ITGB8: variants seen among roughly 807,000 people sequenced by gnomAD.
The protein encoded by ITGB8 is integrin beta-8.
A neutral mutation model predicts 89.5 loss-of-function variants in ITGB8; 30 were observed. The ratio of observed to expected loss-of-function variants is 0.34; its 90% CI spans 0.25 to 0.45. The LOEUF (loss-of-function observed/expected upper bound fraction) is 0.45, where lower values mean the gene tolerates loss of function less well. ITGB8 is among the 20% of genes least tolerant of loss of function. ITGB8 has a pLI of 1.00. For missense variants in ITGB8, 836 were observed against 933.3 expected (o/e 0.90, Z 1.36); for synonymous variants, 335 against 320.4 (o/e 1.05, Z -0.49).
intron 1 of ITGB8, among the ~76,000 whole-genome samples, chr7:20,345,220 T>C (rs575882944): frequency 6.6e-6 from 1 of 152,324 alleles, no homozygotes; most frequent in Admixed American, 6.5e-5. Context: ...GATATTGACA[T>C]TGTAATCCAA....
intron 2 of ITGB8, 72 bp from the exon 3 acceptor site, chr7:20,366,940 T>C: frequency 9.9e-7 from 1 of 1,006,590 alleles, no homozygotes; most frequent in Non-Finnish European, 1.5e-6. Flanking sequence ...AATGCAATAT[T>C]TGCTATGTCA....
At chr7:20,352,655 C>G (rs887147355) in intron 1 of ITGB8, 7 of 152,300 alleles carry the variant, frequency 4.6e-5, no homozygotes, top group African/African-American at 1.7e-4. Flanking sequence ...GAGAGTGTAT[C>G]TTTAACTCAT....
At chr7:20,399,789 G>C (rs1041824521) in intron 9 of ITGB8, among the ~76,000 whole-genome samples, 21 of 152,218 alleles carry the variant, frequency 1.4e-4, no homozygotes, top group African/African-American at 5.1e-4. Context: ...TGGACTAGTA[G>C]ATTTCCAACC....
chr7:20,405,116 T>C (rs1787480840), intron 11 of ITGB8, among the ~76,000 whole-genome samples: 2 of 152,094 alleles, frequency 1.3e-5, no homozygotes. Context: ...GCTTACTATT[T>C]AGTAAGCGTG....
At chr7:20,378,998 T>C in intron 3 of ITGB8, 53 bp from the exon 4 acceptor site, 2 of 1,436,244 alleles carry the variant, frequency 1.4e-6, no homozygotes, top group Admixed American at 2.4e-5. Flanking sequence ...TAAGAGCTTA[T>C]CCTGAAAAGT....
intron 6 of ITGB8, 60 bp downstream of exon 6, chr7:20,381,945 T>C (rs1786416421): frequency 7.1e-7 from 1 of 1,409,426 alleles, no homozygotes; most frequent in African/African-American, 1.4e-5. Flanking sequence ...CAATTTTAAA[T>C]TGGCAACTCA....
At chr7:20,329,933 C>G (rs529201999), upstream of ITGB8, among the ~76,000 whole-genome samples, 10 of 152,232 alleles carry the variant, frequency 6.6e-5, 1 homozygote, top group South Asian at 2.1e-3. Context: ...GCATAACACC[C>G]GCACCCTACT....
intron 3 of ITGB8, among the ~76,000 whole-genome samples, chr7:20,370,158 G>C (rs1001378498): frequency 1.3e-5 from 2 of 151,758 alleles, no homozygotes; most frequent in Non-Finnish European, 2.9e-5. Context: ...GAGAACCAGA[G>C]AGCTGGTTCT....
At chr7:20,377,755 T>C (rs1282222672) in intron 3 of ITGB8, among the ~76,000 whole-genome samples, 1 of 152,210 alleles carries the variant, frequency 6.6e-6, no homozygotes, top group Non-Finnish European at 1.5e-5. Flanking sequence ...AGGGGTTGCC[T>C]GCACAGAAAA....
intron 8 of ITGB8, 144 bp from the exon 9 acceptor site, chr7:20,398,716 A>G: frequency 2.1e-6 from 1 of 481,628 alleles, no homozygotes; most frequent in East Asian, 3.5e-5. Flanking sequence ...ATGTGGAAAC[A>G]CTGTTTTTAT....
rs1048216386 is a variant in ITGB8, at chr7:20,331,356, T to A, written c.-451T>A. The A allele has an allele frequency of 5.1e-6, 2 of 392,518 alleles. No homozygotes were observed. The highest frequency in any genetic ancestry group is 9.0e-6 in the Non-Finnish European group (2 of 222,972). The allele number at this position is 392,518 out of a possible 1,614,324, so 24.3% of individuals were successfully genotyped here. A position where few individuals can be genotyped will look rare whatever the true frequency, so the allele number is the denominator to read the frequency against. Reference sequence around the variant, plus strand: ...CACAGATCCAGCATCACCCAGTGAATGTACATTAGGGTGGTTTCCCCCCCA... The same window carrying A: ...CACAGATCCAGCATCACCCAGTGAAAGTACATTAGGGTGGTTTCCCCCCCA... On this transcript the variant is annotated 5_prime_UTR_variant, in exon 1 of 14. The change abolishes an upstream ATG in the 5' untranslated region. Coordinates refer to ENST00000222573, the MANE Select transcript of ITGB8 (RefSeq NM_002214.3).
intron 3 of ITGB8, 96 bp downstream of exon 3, chr7:20,367,282 T>G: frequency 1.0e-6 from 1 of 960,634 alleles, no homozygotes; most frequent in Non-Finnish European, 1.6e-6. Context: ...GCAGGCAGTA[T>G]TGTTCTTGTA....
At chr7:20,370,595 AC>A (rs1245213164) in intron 3 of ITGB8, among the ~76,000 whole-genome samples, 7 of 89,686 alleles carry the variant, frequency 7.8e-5, no homozygotes, top group African/African-American at 3.4e-4. Context: ...TTATTTATTT[AC>A]TTATTTATTA....
chr7:20,347,731 C>A (rs1433928105), intron 1 of ITGB8, among the ~76,000 whole-genome samples: 1 of 152,128 alleles, frequency 6.6e-6, no homozygotes, highest in African/African-American at 2.4e-5. Context: ...AAGTTCAAGA[C>A]AGAAGCTTGG....
rs1247634281 is a variant in ITGB8, at chr7:20,392,059, C to A, written c.1056+561C>A. ...CTGGAGTCTTTTGGGCCAGGTGAGA[C>A]CCTCAAGCAAAATAGACAGCAACTG... On this transcript the variant is annotated intron_variant, in intron 7 of 13. Coordinates refer to ENST00000222573, the MANE Select transcript of ITGB8 (RefSeq NM_002214.3). 1.3e-5 allele frequency among the ~76,000 whole-genome samples: 2 copies of A among 152,040 alleles called. 1 individual carries two copies. Among genetic ancestry groups the A allele is most frequent in the South Asian group, 4.2e-4 (2 of 4,816 alleles).
At chr7:20,360,489 C>A (rs1350129278) in intron 1 of ITGB8, among the ~76,000 whole-genome samples, 1 of 151,906 alleles carries the variant, frequency 6.6e-6, no homozygotes, top group Non-Finnish European at 1.5e-5. Flanking sequence ...TTTTTCATCC[C>A]TCAGCCCTCT....
chr7:20,333,687 C>T (rs1005163852), intron 1 of ITGB8, among the ~76,000 whole-genome samples: 11 of 152,166 alleles, frequency 7.2e-5, no homozygotes, highest in Non-Finnish European at 1.3e-4. Flanking sequence ...ATGAATGGGC[C>T]TACTTGCACC....
chr7:20,389,867 T>C lies in ITGB8; in HGVS notation c.961-1536T>C, dbSNP rs1036580938. Among the ~76,000 whole-genome samples, 76 of 151,952 alleles carry C rather than the reference T, an allele frequency of 5.0e-4. 1 individual carries two copies. The highest frequency in any genetic ancestry group is 1.8e-3 in the African/African-American group (74 of 41,542). ...TTTTTTTTCCATTGCTTTACAATTA[T>C]ATTCTTAAGAATTGCTCTGAGAAAA... On this transcript the variant is annotated intron_variant, in intron 6 of 13. Transcript: ENST00000222573.
chr7:20,349,072 G>A (rs566504667), intron 1 of ITGB8, among the ~76,000 whole-genome samples: 4 of 152,146 alleles, frequency 2.6e-5, no homozygotes, highest in East Asian at 1.9e-4. Context: ...TAAACTGAAC[G>A]AATGTTAATT....
Sources: gnomAD v4.1 joint callset for allele counts (sites outside exome capture counted in the v4.1 genomes callset) on GRCh38, gnomAD v4.1.1 for gene constraint, MANE v1.5 for transcripts, NCBI Gene and HGNC (gene_info 2026-07-23, HGNC 2026-07-21) for gene names.